The following LAMC3 variants were observed in gnomAD, a reference collection of about 807,000 sequenced individuals.
The protein encoded by LAMC3 is laminin subunit gamma 3.
In LAMC3, 128 loss-of-function variants were observed where a neutral mutation model predicts 173.8. The observed-to-expected ratio is 0.74, with a 90% confidence interval of 0.64 to 0.85. The LOEUF is 0.85. Among genes scored for constraint, LAMC3 ranks in the 40% least tolerant of loss-of-function variants. The pLI, the probability that LAMC3 is intolerant of heterozygous loss-of-function variation, is 0.00. For synonymous variants in LAMC3, 897 were observed against 909.1 expected (o/e 0.99, Z 0.24); for missense variants, 2,022 against 2,156.0 (o/e 0.94, Z 1.23).
chr9:131,052,689 T>G lies in LAMC3; in HGVS notation c.1823+6T>G. The G allele has an allele frequency of 2.5e-6, 4 of 1,612,162 alleles. No individual in the cohort carries two copies. Among genetic ancestry groups the G allele is most frequent in the Non-Finnish European group, 3.4e-6 (4 of 1,178,702 alleles). On this transcript the variant is annotated splice_donor_region_variant and intron_variant, in intron 10 of 27. Coordinates refer to ENST00000361069, the MANE Select transcript of LAMC3 (RefSeq NM_006059.4). ...GAGGTAGAGCTCAGGTTCCAGTAAG[T>G]ATCCCCTTCTGTCCTGAGAGATGGG...
chr9:131,076,485 C>T lies in LAMC3; in HGVS notation c.3629+520C>T, dbSNP rs548526965. Among the ~76,000 whole-genome samples, 15 of 152,060 alleles carry T rather than the reference C, an allele frequency of 9.9e-5. No homozygotes were observed. The East Asian group carries it at 1.5e-3, about 16-fold the overall frequency. Reference sequence around the variant, plus strand: ...TCCTAAACGAGAATGGGATTGGCTCCGCTTAGATCAGGTGTCCAGCCCTGA... The same window carrying T: ...TCCTAAACGAGAATGGGATTGGCTCTGCTTAGATCAGGTGTCCAGCCCTGA... On this transcript the variant is annotated intron_variant, in intron 21 of 27. Transcript: ENST00000361069.
At chr9:131,014,907 T>C (rs1288117400) in intron 1 of LAMC3, among the ~76,000 whole-genome samples, 1 of 152,134 alleles carries the variant, frequency 6.6e-6, no homozygotes, top group Non-Finnish European at 1.5e-5. Flanking sequence ...CGCTGGAGCC[T>C]GGGAGTTCGA....
chr9:131,017,135 G>T (rs1833535318), intron 1 of LAMC3, among the ~76,000 whole-genome samples: 1 of 152,140 alleles, frequency 6.6e-6, no homozygotes, highest in African/African-American at 2.4e-5. Flanking sequence ...GAGGTGGGGG[G>T]CTGGCCCAGA....
At chr9:131,031,751 C>G (rs1402042598) in intron 2 of LAMC3, among the ~76,000 whole-genome samples, 2 of 152,186 alleles carry the variant, frequency 1.3e-5, no homozygotes, top group African/African-American at 4.8e-5. Context: ...CTACCCTCCC[C>G]CAGACATGTT....
At chr9:131,061,628 G>T (rs540420796) in intron 13 of LAMC3, among the ~76,000 whole-genome samples, 2 of 152,128 alleles carry the variant, frequency 1.3e-5, no homozygotes, top group African/African-American at 4.8e-5. Flanking sequence ...AACCACCTAC[G>T]CCCACCCTTG....
intron 11 of LAMC3, among the ~76,000 whole-genome samples, chr9:131,054,452 A>T (rs1834358975): frequency 6.6e-6 from 1 of 152,156 alleles, no homozygotes; most frequent in Non-Finnish European, 1.5e-5. Context: ...TTTTTTAAAA[A>T]CATAGAAATG....
In LAMC3 at chr9:131,052,965, G is replaced by A. The variant is rs144242690; in HGVS notation, c.1939G>A (p.Gly647Ser). Residue 647 changes from glycine to serine, a missense_variant and splice_region_variant, in exon 11 of 28, where the codon GGT (glycine) becomes AGT (serine). Gly to Ser is a moderately conservative substitution (Grantham distance 56). Transcript: ENST00000361069. ...LRVSPGPSPA[G>S]PVFLTEVRLT... ...CGTCAGTCCCGGCCCCAGCCCTGCC[G>A]GTCAGTAAAGACAACCACATGCCCA... 176 of 1,607,168 alleles carry A rather than the reference G, an allele frequency of 1.1e-4. 2 individuals carry two copies. The highest frequency in any genetic ancestry group is 9.8e-4 in the South Asian group (89 of 90,880).
intron 8 of LAMC3, among the ~76,000 whole-genome samples, chr9:131,046,516 GTATTTT>G (rs1834163217): frequency 1.3e-4 from 5 of 38,754 alleles, no homozygotes; most frequent in African/African-American, 4.6e-4. Flanking sequence ...GCTAATTTTT[GTATTTT>G]TTTTTTTTTT....
At chr9:131,089,497 C>T (rs958447034) in intron 27 of LAMC3, among the ~76,000 whole-genome samples, 12 of 151,788 alleles carry the variant, frequency 7.9e-5, no homozygotes, top group Admixed American at 2.6e-4. Context: ...TCCACTTCAG[C>T]CTTCGAAGTA....
At chr9:131,042,271 A>G (rs1834070718) in intron 7 of LAMC3, among the ~76,000 whole-genome samples, 1 of 151,248 alleles carries the variant, frequency 6.6e-6, no homozygotes, top group African/African-American at 2.4e-5. Flanking sequence ...CAACCCTTTC[A>G]CACCCACGGC....
chr9:131,067,899 A>G (rs1829967138), intron 14 of LAMC3, among the ~76,000 whole-genome samples, 179 bp from the exon 15 acceptor site: 1 of 152,182 alleles, frequency 6.6e-6, no homozygotes, highest in Non-Finnish European at 1.5e-5. Flanking sequence ...GATATAGTCA[A>G]TGGGCTGAGG....
At position 131,087,899 on chromosome 9, in the gene LAMC3, G is replaced by A. The variant is rs953179828; in HGVS notation, c.4477+82G>A. On this transcript the variant is annotated intron_variant, in intron 27 of 27. Coordinates refer to ENST00000361069, the MANE Select transcript of LAMC3 (RefSeq NM_006059.4). ...ATCTTCCTGTGAGCTCCAGTCCTGG[G>A]GAAGATTTCCTCCTTGTCCTCATTG... 6 of 1,096,152 alleles carry A rather than the reference G, an allele frequency of 5.5e-6. No homozygotes were observed. The African/African-American group carries it at 9.3e-5, about 17-fold the overall frequency. 67.9% of individuals were successfully genotyped at this position (1,096,152 alleles called of 1,614,324 possible).
chr9:131,080,750 G>A (rs1217069372), intron 23 of LAMC3, among the ~76,000 whole-genome samples: 1 of 152,102 alleles, frequency 6.6e-6, no homozygotes, highest in African/African-American at 2.4e-5. Context: ...TTGCCAGGAA[G>A]AGAGGTGACT....
chr9:131,033,565 C>G (rs1264518544), intron 3 of LAMC3, among the ~76,000 whole-genome samples: 1 of 152,044 alleles, frequency 6.6e-6, no homozygotes, highest in African/African-American at 2.4e-5. Flanking sequence ...CGGGTTTAGC[C>G]TCACCCAGAA....
chr9:131,034,396 G>A (rs900359589), intron 3 of LAMC3, among the ~76,000 whole-genome samples: 1 of 152,226 alleles, frequency 6.6e-6, no homozygotes, highest in Admixed American at 6.5e-5. Context: ...GCCGTGCTAC[G>A]TGCCCTACCA....
intron 27 of LAMC3, among the ~76,000 whole-genome samples, chr9:131,090,385 G>A (rs1830404322): frequency 6.6e-6 from 1 of 152,212 alleles, no homozygotes; most frequent in Non-Finnish European, 1.5e-5. Context: ...AGGTAGAGTG[G>A]GGGCTGTAAT....
intron 1 of LAMC3, among the ~76,000 whole-genome samples, chr9:131,012,428 CTG>C (rs1833434985): frequency 1.3e-5 from 2 of 152,258 alleles, no homozygotes; most frequent in African/African-American, 4.8e-5. Flanking sequence ...ATGGCAGTCC[CTG>C]TGTGTGACCA....
Position 131,032,052 on chromosome 9 carries a change from T to C in LAMC3, c.686T>C (p.Val229Ala), listed in dbSNP as rs149485800. The change falls in exon 3 of 28, where the codon GTC (valine) becomes GCC (alanine). Residue 229 changes from valine (V) to alanine (A), a missense_variant. By Grantham distance (64) the Val-to-Ala change is moderately conservative. Coordinates refer to ENST00000361069, the MANE Select transcript of LAMC3 (RefSeq NM_006059.4). Reference protein sequence around the residue: ...FEESPGLQEWVTSTELLISLD... With the variant: ...FEESPGLQEWATSTELLISLD... ...CTCTCCCCTCTGCCCCAGGAGTGGG[T>C]CACCAGCACCGAACTCCTCATCTCT... 386 of 1,613,806 alleles carry C rather than the reference T, an allele frequency of 2.4e-4. 3 individuals carry two copies. In the South Asian group the frequency reaches 3.5e-3, roughly 14 times the overall value.
chr9:131,028,813 C>T (rs968854711), intron 2 of LAMC3, among the ~76,000 whole-genome samples: 1 of 152,192 alleles, frequency 6.6e-6, no homozygotes, highest in Non-Finnish European at 1.5e-5. Flanking sequence ...ACTTTGAAGG[C>T]CAGAGTTTTT....
Sources: allele counts gnomAD v4.1 joint callset (sites outside exome capture counted in the v4.1 genomes callset), GRCh38; gene constraint gnomAD v4.1.1; transcripts MANE v1.5; gene names NCBI Gene and HGNC (gene_info 2026-07-23, HGNC 2026-07-21).